Variants in RAPGEF6 observed in about 807,000 individuals in gnomAD.
RAPGEF6 encodes PDZ domain containing guanine nucleotide exchange factor (GEF) 2.
A neutral mutation model predicts 171.4 loss-of-function variants in RAPGEF6; 56 were observed. That is an observed-to-expected ratio of 0.33 (90% confidence interval 0.26 to 0.41). The LOEUF (loss-of-function observed/expected upper bound fraction) is 0.41, where lower values mean the gene tolerates loss of function less well. Ranked by LOEUF, RAPGEF6 falls within the 10% of genes least tolerant of loss-of-function variation. The pLI is 1.00. For synonymous variants in RAPGEF6, 692 were observed against 650.1 expected, an observed-to-expected ratio of 1.06 and a Z score of -0.98; for missense variants, 1,674 against 1,921.4, an observed-to-expected ratio of 0.87 and a Z score of 2.41.
intron 1 of RAPGEF6, among the ~76,000 whole-genome samples, chr5:131,623,911 G>A (rs1285759448): frequency 6.6e-6 from 1 of 152,208 alleles, no homozygotes; most frequent in Non-Finnish European, 1.5e-5. Context: ...CAATCAGAGA[G>A]AAATATGCAA....
At chr5:131,438,026 C>T (rs185644256) in intron 24 of RAPGEF6, among the ~76,000 whole-genome samples, 30 of 152,062 alleles carry the variant, frequency 2.0e-4, no homozygotes, top group Non-Finnish European at 4.0e-4. Flanking sequence ...TCCATAGCCA[C>T]CAAACTAGTT....
At chr5:131,526,598 A>G (rs948468382) in intron 6 of RAPGEF6, among the ~76,000 whole-genome samples, 2 of 152,184 alleles carry the variant, frequency 1.3e-5, no homozygotes, top group Non-Finnish European at 2.9e-5. Flanking sequence ...TTTTCCTCCA[A>G]GAGAAGTTCT....
At chr5:131,498,381 A>G in intron 12 of RAPGEF6, 62 bp downstream of exon 12, 2 of 1,452,810 alleles carry the variant, frequency 1.4e-6, no homozygotes, top group South Asian at 2.7e-5. Context: ...TCTATCAACT[A>G]TAAAAGTTTC....
intron 16 of RAPGEF6, among the ~76,000 whole-genome samples, chr5:131,474,594 T>C (rs1275280834): frequency 2.0e-5 from 3 of 152,166 alleles, no homozygotes; most frequent in Admixed American, 6.6e-5. Context: ...GAGAAGGCAG[T>C]CTAATTTGAC....
chr5:131,549,904 T>TCC (rs2149951952), intron 5 of RAPGEF6, among the ~76,000 whole-genome samples: 1 of 152,222 alleles, frequency 6.6e-6, no homozygotes, highest in African/African-American at 2.4e-5. Flanking sequence ...TGTGTGTTGT[T>TCC]CCCCTCTATG....
intron 6 of RAPGEF6, among the ~76,000 whole-genome samples, chr5:131,542,638 A>G (rs1222132697): frequency 6.6e-6 from 1 of 152,222 alleles, no homozygotes; most frequent in Admixed American, 6.5e-5. Context: ...GAGTGCTTAC[A>G]GGCACATAAA....
chr5:131,540,222 A>G (rs1042524512), intron 6 of RAPGEF6, among the ~76,000 whole-genome samples: 3 of 152,240 alleles, frequency 2.0e-5, no homozygotes, highest in Admixed American at 2.0e-4. Flanking sequence ...GATCTAGTTA[A>G]TAACACAACA....
intron 3 of RAPGEF6, among the ~76,000 whole-genome samples, chr5:131,594,909 G>GTAAC (rs1305050): frequency 0.78 from 118,605 of 151,686 alleles, 46,691 homozygotes; most frequent in African/African-American, 0.84. Context: ...TATTTTGGAA[G>GTAAC]TAACTTGTTT....
At chr5:131,519,441 G>A (rs539751080) in intron 7 of RAPGEF6, among the ~76,000 whole-genome samples, 4 of 151,952 alleles carry the variant, frequency 2.6e-5, no homozygotes, top group South Asian at 2.1e-4. Context: ...TTGCTCTGTC[G>A]GCCAGGCTGG....
At chr5:131,516,879 G>C (rs1758121692) in intron 7 of RAPGEF6, among the ~76,000 whole-genome samples, 1 of 152,048 alleles carries the variant, frequency 6.6e-6, no homozygotes, top group Admixed American at 6.6e-5. Context: ...GCTATATTTT[G>C]AAGTTTCTTT....
At chr5:131,506,459 T>C (rs1757377096) in intron 9 of RAPGEF6, among the ~76,000 whole-genome samples, 1 of 152,188 alleles carries the variant, frequency 6.6e-6, no homozygotes, top group Non-Finnish European at 1.5e-5. Flanking sequence ...AGATCTACTA[T>C]ATATCAGTGA....
intron 1 of RAPGEF6, among the ~76,000 whole-genome samples, chr5:131,614,991 A>G (rs1358800526): frequency 1.3e-5 from 2 of 152,220 alleles, no homozygotes; most frequent in African/African-American, 4.8e-5. Context: ...AACTTTGTAG[A>G]AATGTAAATT....
chr5:131,635,184 C>A lies in RAPGEF6; in HGVS notation c.-154G>T, dbSNP rs1766566066. 1.3e-6 allele frequency: 1 copy of A among 760,138 alleles called. No homozygotes were observed. The highest frequency in any genetic ancestry group is 1.8e-5 in the African/African-American group (1 of 56,430). 47.1% of individuals were successfully genotyped at this position (760,138 alleles called of 1,614,324 possible). ...CTCTAGCAAACAACCCTTCGCAACG[C>A]CCGCCTAAGGCCTCTACCCACGCGC... On this transcript the variant is annotated 5_prime_UTR_variant, in exon 1 of 28. Coordinates refer to ENST00000509018, the MANE Select transcript of RAPGEF6 (RefSeq NM_016340.6).
intron 19 of RAPGEF6, among the ~76,000 whole-genome samples, chr5:131,460,291 T>A (rs982754741): frequency 6.6e-6 from 1 of 152,156 alleles, no homozygotes; most frequent in Admixed American, 6.5e-5. Context: ...ACTGTGCTAC[T>A]CTGTTTCTTG....
intron 6 of RAPGEF6, among the ~76,000 whole-genome samples, chr5:131,539,930 C>T (rs1160051572): frequency 6.6e-6 from 1 of 152,116 alleles, no homozygotes; most frequent in Non-Finnish European, 1.5e-5. Context: ...CTATACAATC[C>T]CAGAACAAAA....
intron 11 of RAPGEF6, among the ~76,000 whole-genome samples, chr5:131,502,170 C>G (rs1051452160): frequency 2.0e-5 from 3 of 152,020 alleles, no homozygotes; most frequent in African/African-American, 7.2e-5. Flanking sequence ...TAAGTTTATA[C>G]CAATATAAAT....
chr5:131,455,712 G>T, intron 20 of RAPGEF6, 89 bp downstream of exon 20: 2 of 1,122,558 alleles, frequency 1.8e-6, no homozygotes, highest in South Asian at 1.4e-5. Context: ...CAAATTAATA[G>T]AATAGGAAAT....
At chr5:131,483,855 C>T (rs561976627) in intron 15 of RAPGEF6, among the ~76,000 whole-genome samples, 2 of 152,122 alleles carry the variant, frequency 1.3e-5, no homozygotes, top group East Asian at 3.9e-4. Context: ...AATCCCAGCA[C>T]TCTGGGAGGC....
chr5:131,516,841 C>CT (rs1580953107), intron 7 of RAPGEF6, among the ~76,000 whole-genome samples: 1 of 152,180 alleles, frequency 6.6e-6, no homozygotes, highest in East Asian at 1.9e-4. Context: ...ATTGATTTGC[C>CT]TTTTTTTCCC....
Sources: allele counts gnomAD v4.1 joint callset (sites outside exome capture counted in the v4.1 genomes callset), GRCh38; gene constraint gnomAD v4.1.1; transcripts MANE v1.5; gene names NCBI Gene and HGNC (gene_info 2026-07-23, HGNC 2026-07-21).